The following TMEM114 variants were observed in gnomAD, a reference collection of about 807,000 sequenced individuals.
The protein encoded by TMEM114 is transmembrane protein 114.
Under a neutral mutation model 6.2 loss-of-function variants are expected in TMEM114, and 6 were observed. The observed-to-expected ratio is 0.97, with a 90% CI of 0.53 to 1.91. The LOEUF (loss-of-function observed/expected upper bound fraction) is 1.91, where lower values mean the gene tolerates loss of function less well. Among genes scored for constraint, TMEM114 ranks in the 40% most tolerant of loss-of-function variants. TMEM114 has a pLI of 0.01. For synonymous variants in TMEM114, 104 were observed against 73.0 expected, an observed-to-expected ratio of 1.42 and a Z score of -2.16; for missense variants, 218 against 158.3, an observed-to-expected ratio of 1.38 and a Z score of -2.02.
At chr16:8,558,439 C>G (rs988525026) in intron 2 of TMEM114, among the ~76,000 whole-genome samples, 2 of 152,172 alleles carry the variant, frequency 1.3e-5, no homozygotes, top group African/African-American at 4.8e-5. Flanking sequence ...GTGTATCTCT[C>G]CATCCTCACA....
intron 2 of TMEM114, among the ~76,000 whole-genome samples, chr16:8,548,180 C>G (rs532451746): frequency 6.6e-6 from 1 of 152,258 alleles, no homozygotes; most frequent in South Asian, 2.1e-4. Context: ...ACGGTGGGAC[C>G]CTGACTGAGC....
the TMEM114 span, among the ~76,000 whole-genome samples, chr16:8,528,273 C>A: frequency 6.6e-6 from 1 of 152,010 alleles, no homozygotes; most frequent in Non-Finnish European, 1.5e-5. Flanking sequence ...CGCACACACT[C>A]TTTCTCTTTT....
At chr16:8,565,025 GTGAGTGAATGAGTGAGTGAA>G (rs1208144953), downstream of TMEM114, among the ~76,000 whole-genome samples, 2 of 151,740 alleles carry the variant, frequency 1.3e-5, no homozygotes, top group East Asian at 1.9e-4. Flanking sequence ...GAATACATGA[GTGAGTGAATGAGTGAGTGAA>G]TGAGTGAGTG....
downstream of TMEM114, among the ~76,000 whole-genome samples, chr16:8,565,883 G>A (rs13334463): frequency 0.56 from 84,700 of 152,022 alleles, 23,832 homozygotes; most frequent in East Asian, 0.75. Flanking sequence ...GGACCCCCAC[G>A]TGATGCTAAT....
At chr16:8,582,512 G>T (rs1452447909) in intron 2 of TMEM114, among the ~76,000 whole-genome samples, 1 of 152,186 alleles carries the variant, frequency 6.6e-6, no homozygotes, top group African/African-American at 2.4e-5. Flanking sequence ...AGCTCCTCTG[G>T]TCTACCATGA....
intron 2 of TMEM114, among the ~76,000 whole-genome samples, chr16:8,546,343 T>C (rs946471363): frequency 1.1e-4 from 17 of 152,198 alleles, no homozygotes; most frequent in Admixed American, 7.9e-4. Context: ...CATGTATAAA[T>C]GAGGAGCCAA....
chr16:8,584,938 A>AAAAAGAAGAAGAAGAAGAAAAG lies in TMEM114; in HGVS notation c.301+4253_301+4274dup, dbSNP rs1902270811. On this transcript the variant is annotated intron_variant, in intron 2 of 3. Coordinates refer to ENST00000620492, the MANE Select transcript of TMEM114 (RefSeq NM_001146336.2). ...ACGCCGTCTCAAAAAAAAAAAAAAAAAAAAGAAGAAGAAGAAGAAAAGAAA... is the reference window on the plus strand; with the variant it reads ...ACGCCGTCTCAAAAAAAAAAAAAAAAAAAAGAAGAAGAAGAAGAAAAGAAAAGAAGAAGAAGAAGAAAAGAAA... Among the ~76,000 whole-genome samples the AAAAAGAAGAAGAAGAAGAAAAG allele has an allele frequency of 4.0e-5, 6 of 151,516 alleles. No individual in the cohort carries two copies. The East Asian group carries it at 1.2e-3, about 29-fold the overall frequency.
chr16:8,545,630 A>G (rs1900642646), intron 2 of TMEM114, among the ~76,000 whole-genome samples: 1 of 152,164 alleles, frequency 6.6e-6, no homozygotes, highest in Non-Finnish European at 1.5e-5. Flanking sequence ...GTAGATCATT[A>G]GTGGGGTCTG....
intron 2 of TMEM114, among the ~76,000 whole-genome samples, chr16:8,550,220 C>T (rs183371822): frequency 7.2e-5 from 11 of 152,310 alleles, no homozygotes; most frequent in Admixed American, 5.9e-4. Context: ...GTGGGTCTTC[C>T]TCTACCAGTC....
intron 2 of TMEM114, among the ~76,000 whole-genome samples, chr16:8,586,818 A>G (rs116805670): frequency 0.012 from 1,809 of 152,212 alleles, 38 homozygotes; most frequent in African/African-American, 0.042. Context: ...CCGAATTCTT[A>G]TAATTCTTGA....
At chr16:8,589,587 C>G (rs1902420491) in intron 1 of TMEM114, 32 bp downstream of exon 1, 1 of 398,516 alleles carries the variant, frequency 2.5e-6, no homozygotes, top group Non-Finnish European at 4.4e-6. Context: ...GCGTTCGCAG[C>G]CACAGCTCCC....
intron 2 of TMEM114, among the ~76,000 whole-genome samples, chr16:8,576,466 T>C (rs1901933355): frequency 1.3e-5 from 2 of 152,102 alleles, no homozygotes; most frequent in African/African-American, 2.4e-5. Context: ...TCCCCACTGG[T>C]CTCTGGCTGG....
At chr16:8,526,617 C>T in the TMEM114 span, 6 of 152,442 alleles carry the variant, frequency 3.9e-5, no homozygotes, top group African/African-American at 1.4e-4. Flanking sequence ...TCACCTTCCG[C>T]CATGATTGTA....
At chr16:8,532,345 T>C in the TMEM114 span, among the ~76,000 whole-genome samples, 37 of 152,100 alleles carry the variant, frequency 2.4e-4, no homozygotes, top group Admixed American at 2.0e-3. Flanking sequence ...CTCTGGGACT[T>C]ATAAATAGGG....
the TMEM114 span, among the ~76,000 whole-genome samples, chr16:8,530,289 G>A: frequency 7.2e-5 from 11 of 152,152 alleles, no homozygotes; most frequent in Non-Finnish European, 1.3e-4. Flanking sequence ...GTCAATTGAG[G>A]GGGTGAGTAT....
chr16:8,541,759 C>T (rs377231517), intron 2 of TMEM114, among the ~76,000 whole-genome samples: 3 of 152,334 alleles, frequency 2.0e-5, no homozygotes, highest in African/African-American at 7.2e-5. Flanking sequence ...ACATAAGCCA[C>T]TATATTCCTT....
chr16:8,585,599 T>C (rs1902293118), intron 2 of TMEM114, among the ~76,000 whole-genome samples: 1 of 151,668 alleles, frequency 6.6e-6, no homozygotes, highest in Non-Finnish European at 1.5e-5. Context: ...AAACTCAAAA[T>C]TCATTTTGGA....
At chr16:8,540,321 C>T (rs1900479306) in intron 2 of TMEM114, among the ~76,000 whole-genome samples, 2 of 152,076 alleles carry the variant, frequency 1.3e-5, no homozygotes, top group Admixed American at 6.6e-5. Context: ...CTCTGGAGTC[C>T]AGCCACCTGA....
At chr16:8,583,386 C>T (rs974222675) in intron 2 of TMEM114, among the ~76,000 whole-genome samples, 2 of 152,158 alleles carry the variant, frequency 1.3e-5, no homozygotes, top group African/African-American at 4.8e-5. Context: ...GGGCTGGCTG[C>T]TTTGTTTATG....
Sources: gnomAD v4.1 joint callset for allele counts (sites outside exome capture counted in the v4.1 genomes callset) on GRCh38, gnomAD v4.1.1 for gene constraint, MANE v1.5 for transcripts, NCBI Gene and HGNC (gene_info 2026-07-23, HGNC 2026-07-21) for gene names.